The following FNBP1L variants were observed in gnomAD, a reference collection of about 807,000 sequenced individuals.
FNBP1L encodes the protein formin-binding protein 1-like.
FNBP1L carries 36 observed loss-of-function variants against 91.2 expected under a neutral mutation model. That is an observed-to-expected ratio of 0.39 (90% CI 0.30 to 0.52). FNBP1L has a LOEUF of 0.52. Among genes scored for constraint, FNBP1L ranks in the 20% least tolerant of loss-of-function variants. The pLI is 0.66. For missense variants in FNBP1L, 571 were observed against 732.1 expected (o/e 0.78, Z 2.54); for synonymous variants, 242 against 237.0 (o/e 1.02, Z -0.19).
intron 1 of FNBP1L, among the ~76,000 whole-genome samples, chr1:93,448,880 A>G (rs1010811828): frequency 4.0e-4 from 61 of 152,252 alleles, no homozygotes; most frequent in African/African-American, 1.5e-3. Flanking sequence ...CGGGCCAGCC[A>G]GGCCCAGCCC....
At chr1:93,549,170 C>T in intron 14 of FNBP1L, 108 bp from the exon 15 acceptor site, 1 of 788,368 alleles carries the variant, frequency 1.3e-6, no homozygotes, top group East Asian at 3.1e-5. Context: ...GAAACTGTGT[C>T]ATTAATATTT....
At chr1:93,485,151 TAA>T (rs34866392) in intron 1 of FNBP1L, among the ~76,000 whole-genome samples, 22 of 126,032 alleles carry the variant, frequency 1.7e-4, no homozygotes, top group African/African-American at 1.8e-4. Flanking sequence ...ACCCTATCTC[TAA>T]AAAAAAAAAA....
intron 10 of FNBP1L, among the ~76,000 whole-genome samples, chr1:93,538,941 C>G (rs1388256517): frequency 6.6e-6 from 1 of 151,918 alleles, no homozygotes; most frequent in Non-Finnish European, 1.5e-5. Flanking sequence ...TTGAGTTTGA[C>G]AGTGGTATCA....
chr1:93,532,868 T>C (rs752863040), intron 7 of FNBP1L, 54 bp from the exon 8 acceptor site: 193 of 1,428,140 alleles, frequency 1.4e-4, no homozygotes, highest in Admixed American at 2.3e-4. Flanking sequence ...TGAACTCCTT[T>C]AGAATGATTG....
At chr1:93,545,876 T>C (rs982890739) in intron 12 of FNBP1L, among the ~76,000 whole-genome samples, 6 of 151,626 alleles carry the variant, frequency 4.0e-5, no homozygotes, top group Non-Finnish European at 7.4e-5. Flanking sequence ...GATTTGTAGC[T>C]ATAGATTTAA....
chr1:93,513,542 C>G (rs1369152811), intron 2 of FNBP1L, among the ~76,000 whole-genome samples: 2 of 150,808 alleles, frequency 1.3e-5, no homozygotes, highest in Non-Finnish European at 1.5e-5. Flanking sequence ...CAAACCGAAT[C>G]CAGCAGCACA....
intron 4 of FNBP1L, among the ~76,000 whole-genome samples, chr1:93,523,766 T>A (rs1444309124): frequency 1.3e-5 from 2 of 152,208 alleles, no homozygotes; most frequent in Non-Finnish European, 2.9e-5. Context: ...TTTTAGATGG[T>A]TGAAAAAAGA....
chr1:93,537,487 G>A (rs1180620733), intron 10 of FNBP1L, among the ~76,000 whole-genome samples: 8 of 151,768 alleles, frequency 5.3e-5, no homozygotes, highest in Non-Finnish European at 1.2e-4. Context: ...ATTAGTTTAG[G>A]GACAAGATTA....
At chr1:93,537,132 T>TA (rs1671875760) in intron 10 of FNBP1L, among the ~76,000 whole-genome samples, 2 of 152,082 alleles carry the variant, frequency 1.3e-5, no homozygotes, top group Non-Finnish European at 2.9e-5. Context: ...ACATTAGTGT[T>TA]ACTCTATTTA....
At chr1:93,492,853 A>G (rs543890941) in intron 1 of FNBP1L, among the ~76,000 whole-genome samples, 1 of 152,324 alleles carries the variant, frequency 6.6e-6, no homozygotes, top group South Asian at 2.1e-4. Flanking sequence ...ATGTGAATAT[A>G]GGCAAACGAT....
At chr1:93,524,744 A>T (rs1424035172) in intron 5 of FNBP1L, among the ~76,000 whole-genome samples, 1 of 151,882 alleles carries the variant, frequency 6.6e-6, no homozygotes, top group Non-Finnish European at 1.5e-5. Flanking sequence ...ATGTCTCTTG[A>T]CTTCATTTTT....
At chr1:93,518,529 A>G (rs1257136938) in intron 2 of FNBP1L, among the ~76,000 whole-genome samples, 1 of 152,220 alleles carries the variant, frequency 6.6e-6, no homozygotes, top group African/African-American at 2.4e-5. Flanking sequence ...ATGATTGTCA[A>G]ATTTTTGGCT....
Position 93,473,498 on chromosome 1 carries a change from T to C in FNBP1L, c.24+25193T>C, listed in dbSNP as rs1425842296. 7.9e-5 allele frequency among the ~76,000 whole-genome samples: 12 copies of C among 152,314 alleles called. No homozygotes were observed. The South Asian group carries it at 2.3e-3, about 29-fold the overall frequency. On this transcript the variant is annotated intron_variant, in intron 1 of 16. Transcript: ENST00000271234. ...TTTATATGCCTCTAATGGATGTAAT[T>C]TACCTAGAGATTTATTAATCCTCTA...
rs770459243 is a variant in FNBP1L at position 93,549,463 on chromosome 1, T to C, written c.1651+37T>C. The C allele has an allele frequency of 1.4e-5, 20 of 1,479,772 alleles. No homozygotes were observed. In the East Asian group the frequency reaches 3.7e-4, roughly 28 times the overall value. The allele number at this position is 1,479,772 out of a possible 1,614,324, so 91.7% of individuals were successfully genotyped here. ...TTAATAATATTGTATGTAAAAAAAT[T>C]GGTTCTTTAAAAGTATTTACATCAA... On this transcript the variant is annotated intron_variant, in intron 15 of 16. Transcript: ENST00000271234.
rs186239993 is a variant in FNBP1L at position 93,502,261 on chromosome 1, C to T, written c.140+2678C>T. On this transcript the variant is annotated intron_variant, in intron 2 of 16. Transcript: ENST00000271234. ...GAGTAGGGAATGATAAGGGAAGGAA[C>T]TTTTTATTTCATACACTTTTGAATT... Among the ~76,000 whole-genome samples the T allele has an allele frequency of 1.2e-3, 185 of 152,216 alleles. 1 individual carries two copies. The highest frequency in any genetic ancestry group is 2.1e-3 in the Non-Finnish European group (144 of 67,998).
chr1:93,517,163 C>T (rs1182471860), intron 2 of FNBP1L, among the ~76,000 whole-genome samples: 2 of 151,772 alleles, frequency 1.3e-5, no homozygotes, highest in Non-Finnish European at 2.9e-5. Flanking sequence ...CATACCTCAC[C>T]CTCCCGAGTA....
Position 93,536,332 on chromosome 1 carries a change from C to A in FNBP1L, c.991C>A (p.Pro331Thr). Residue 331 changes from proline (P) to threonine (T), a missense_variant and splice_region_variant, in exon 10 of 17, where the codon CCA (proline) becomes ACA (threonine). Physicochemically the swap from Pro to Thr is conservative, Grantham distance 38. Coordinates refer to ENST00000271234, the MANE Select transcript of FNBP1L (RefSeq NM_001164473.3). Reference sequence around the variant, plus strand: ...ATTCCTTTCTTTATTTCCATATTAGCCACAGTCCCCACCCTTAACCCCTAC... The same window carrying A: ...ATTCCTTTCTTTATTTCCATATTAGACACAGTCCCCACCCTTAACCCCTAC... ...KLWLFGKKPK[P>T]QSPPLTPTSL... The A allele has an allele frequency of 1.4e-6, 2 of 1,473,590 alleles. No individual in the cohort carries two copies. The highest frequency in any genetic ancestry group is 1.8e-6 in the Non-Finnish European group (2 of 1,111,036). 91.3% of individuals were successfully genotyped at this position (1,473,590 alleles called of 1,614,324 possible).
intron 1 of FNBP1L, among the ~76,000 whole-genome samples, chr1:93,476,083 TTCTTTC>T (rs1308710156): frequency 6.6e-6 from 1 of 152,226 alleles, no homozygotes; most frequent in African/African-American, 2.4e-5. Flanking sequence ...TACCTCCAAT[TTCTTTC>T]TCTTGTTTAA....
Position 93,506,536 on chromosome 1 carries a change from G to A in FNBP1L, c.140+6953G>A, listed in dbSNP as rs1209940847. Among the ~76,000 whole-genome samples, 4 of 109,436 alleles carry A rather than the reference G, an allele frequency of 3.7e-5. 1 individual carries two copies. The highest frequency in any genetic ancestry group is 1.0e-4 in the African/African-American group (4 of 40,024). 71.8% of individuals were successfully genotyped at this position (109,436 alleles called of 152,430 possible). On this transcript the variant is annotated intron_variant, in intron 2 of 16. Coordinates refer to ENST00000271234, the MANE Select transcript of FNBP1L (RefSeq NM_001164473.3). ...GCTCTTAAGTAAGTTAAGAAAAGGG[G>A]TACTAGTCAGTGAGTCTCAGGTCTC...
Sources: allele counts gnomAD v4.1 joint callset (sites outside exome capture counted in the v4.1 genomes callset), GRCh38; gene constraint gnomAD v4.1.1; transcripts MANE v1.5; gene names NCBI Gene and HGNC (gene_info 2026-07-23, HGNC 2026-07-21).